The following BANP variants were observed in gnomAD, a reference collection of about 807,000 sequenced individuals.
BANP encodes protein BANP.
Under a neutral mutation model 68.1 loss-of-function variants are expected in BANP, and 11 were observed. The ratio of observed to expected loss-of-function variants is 0.16; its 90% CI spans 0.10 to 0.27. The LOEUF is 0.27. Ranked by LOEUF, BANP falls within the 10% of genes least tolerant of loss-of-function variation. The pLI, the probability that BANP is intolerant of heterozygous loss-of-function variation, is 1.00. For missense variants in BANP, 504 were observed against 722.7 expected (o/e 0.70, Z 3.47); for synonymous variants, 329 against 303.2 (o/e 1.09, Z -0.88).
At chr16:88,014,691 A>G (rs2074058201) in intron 6 of BANP, among the ~76,000 whole-genome samples, 1 of 151,756 alleles carries the variant, frequency 6.6e-6, no homozygotes, top group Non-Finnish European at 1.5e-5. Flanking sequence ...CCATCCTCGC[A>G]CTGGTCCTGC....
intron 10 of BANP, 128 bp from the exon 11 acceptor site, chr16:88,037,845 T>G (rs1158014916): frequency 9.1e-6 from 8 of 879,880 alleles, no homozygotes; most frequent in Non-Finnish European, 1.3e-5. Context: ...GGAGGTTGAA[T>G]TTTTGCAGAA....
intron 11 of BANP, among the ~76,000 whole-genome samples, chr16:88,052,933 A>T (rs1336932273): frequency 3.3e-5 from 5 of 151,264 alleles, no homozygotes. Flanking sequence ...CACCTTAACC[A>T]CTACCATCAC....
At chr16:88,051,835 T>C (rs2083329876) in intron 11 of BANP, among the ~76,000 whole-genome samples, 1 of 152,250 alleles carries the variant, frequency 6.6e-6, no homozygotes, top group Non-Finnish European at 1.5e-5. Context: ...TTTTCTTTCC[T>C]ATATTAAAAA....
chr16:87,969,457 G>A (rs948620965), intron 1 of BANP, among the ~76,000 whole-genome samples: 2 of 151,626 alleles, frequency 1.3e-5, no homozygotes, highest in African/African-American at 4.9e-5. Context: ...GTCATATTTT[G>A]TGATTTTTGC....
intron 1 of BANP, among the ~76,000 whole-genome samples, chr16:87,964,538 G>C (rs1013238587): frequency 1.3e-5 from 2 of 152,262 alleles, no homozygotes; most frequent in Non-Finnish European, 2.9e-5. Flanking sequence ...TGCAGGGGCC[G>C]AGTGAGCGTG....
At chr16:88,024,319 C>T (rs1307866956) in intron 7 of BANP, among the ~76,000 whole-genome samples, 2 of 152,222 alleles carry the variant, frequency 1.3e-5, no homozygotes, top group African/African-American at 4.8e-5. Flanking sequence ...GGACACATCA[C>T]TTCTCCTTTT....
intron 11 of BANP, among the ~76,000 whole-genome samples, chr16:88,043,220 A>T (rs112139670): frequency 6.6e-6 from 1 of 152,208 alleles, no homozygotes; most frequent in Non-Finnish European, 1.5e-5. Flanking sequence ...TGGAGTTGAA[A>T]TTAAAATGCA....
chr16:88,069,854 T>C (rs1406045878), intron 12 of BANP, among the ~76,000 whole-genome samples: 1 of 152,210 alleles, frequency 6.6e-6, no homozygotes, highest in Non-Finnish European at 1.5e-5. Context: ...CATTTTTTTT[T>C]TCAGTAAAAA....
chr16:88,053,132 C>A lies in BANP; in HGVS notation c.1312-12135C>A, dbSNP rs563141519. Among the ~76,000 whole-genome samples, 209 of 151,756 alleles carry A rather than the reference C, an allele frequency of 1.4e-3. 2 individuals carry two copies. Among genetic ancestry groups the A allele is most frequent in the African/African-American group, 4.8e-3 (200 of 41,292 alleles). Reference sequence around the variant, plus strand: ...ACCCCCACCTCCACCACTGTCATCTCCATCATCATCATCACCAACACAACC... The same window carrying A: ...ACCCCCACCTCCACCACTGTCATCTACATCATCATCATCACCAACACAACC... On this transcript the variant is annotated intron_variant, in intron 11 of 13. Coordinates refer to ENST00000682872, the MANE Select transcript of BANP (RefSeq NM_001386991.1).
intron 1 of BANP, among the ~76,000 whole-genome samples, chr16:87,974,527 C>T (rs556905423): frequency 5.9e-5 from 9 of 152,254 alleles, no homozygotes; most frequent in African/African-American, 1.2e-4. Context: ...GTAGCAGAAA[C>T]GGAGTATGGG....
rs2070432777 is a variant in BANP at position 88,004,645 on chromosome 16, CT to C, written c.479+235del. ...CAGCTGCCGCCGGGGACTTCTGTGTCTCGTGCTGGCCGGGGTTGTGGAGGGG... is the reference window on the plus strand; with the variant it reads ...CAGCTGCCGCCGGGGACTTCTGTGTCCGTGCTGGCCGGGGTTGTGGAGGGG... On this transcript the variant is annotated intron_variant, in intron 5 of 13. Transcript: ENST00000682872. This position sits in a 1 kb window ranked among gnomAD's most constrained non-coding sequence, Gnocchi z 7.0. Among the ~76,000 whole-genome samples the C allele has an allele frequency of 6.6e-6, 1 of 152,162 alleles. No individual in the cohort carries two copies. The highest frequency in any genetic ancestry group is 6.5e-5 in the Admixed American group (1 of 15,280).
At chr16:88,035,497 A>G in intron 10 of BANP, 103 bp downstream of exon 10, 1 of 1,154,174 alleles carries the variant, frequency 8.7e-7, no homozygotes, top group Non-Finnish European at 1.2e-6. Flanking sequence ...AGCCCCCAGG[A>G]CAGGGAACGT....
At chr16:87,984,930 C>T (rs1431373783) in intron 4 of BANP, among the ~76,000 whole-genome samples, 4 of 152,232 alleles carry the variant, frequency 2.6e-5, no homozygotes, top group Admixed American at 6.5e-5. Context: ...TTGTGCTTGA[C>T]GAGGGGCCTT....
chr16:88,033,544 G>C (rs1351699709), intron 9 of BANP, among the ~76,000 whole-genome samples: 3 of 152,212 alleles, frequency 2.0e-5, no homozygotes, highest in African/African-American at 4.8e-5. Flanking sequence ...GGGTCAGGCC[G>C]TGCGGTGGTC....
intron 1 of BANP, among the ~76,000 whole-genome samples, chr16:87,961,172 C>T (rs2059049457): frequency 6.6e-6 from 1 of 152,202 alleles, no homozygotes; most frequent in South Asian, 2.1e-4. Flanking sequence ...ATACAGTTCA[C>T]ATTCCATATT....
At position 88,051,455 on chromosome 16, in the gene BANP, C is replaced by A. The variant is rs553880922; in HGVS notation, c.1311+13444C>A. Reference sequence around the variant, plus strand: ...AGTATGGGGTTTGCGGGAGCCCATGCCTCCTTCGGGCTCAGCCTCGGTGCC... The same window carrying A: ...AGTATGGGGTTTGCGGGAGCCCATGACTCCTTCGGGCTCAGCCTCGGTGCC... On this transcript the variant is annotated intron_variant, in intron 11 of 13. Transcript: ENST00000682872. Among the ~76,000 whole-genome samples the A allele has an allele frequency of 1.2e-4, 18 of 152,352 alleles. No individual in the cohort carries two copies. In the East Asian group the frequency reaches 3.1e-3, roughly 26 times the overall value.
intron 4 of BANP, among the ~76,000 whole-genome samples, chr16:87,989,441 A>G (rs1316862529): frequency 3.9e-5 from 6 of 152,368 alleles, no homozygotes; most frequent in South Asian, 2.1e-4. Flanking sequence ...GCTCACGTTT[A>G]TATAGGTAAA....
chr16:88,027,578 C>A lies in BANP; in HGVS notation c.991C>A (p.Gln331Lys). ...SKCRTAWRRK[Q>K]RGQSLAVKSF... ...GTGCCGCACGGCGTGGCGGCGCAAG[C>A]AGCGGGGCCAGAGCCTGGCGGTCAA... is the stretch of plus-strand genomic sequence containing the variant. Residue 331 changes from glutamine to lysine, a missense_variant, in exon 8 of 14, where the codon CAG becomes AAG. Physicochemically the swap from Gln to Lys is moderately conservative, Grantham distance 53. Coordinates refer to ENST00000682872, the MANE Select transcript of BANP (RefSeq NM_001386991.1). 1 of 1,613,804 alleles carries A rather than the reference C, an allele frequency of 6.2e-7. No homozygotes were observed. The highest frequency in any genetic ancestry group is 1.7e-4 in the Middle Eastern group (1 of 6,038).
chr16:88,028,801 C>T (rs1240547549), intron 8 of BANP, among the ~76,000 whole-genome samples: 2 of 152,046 alleles, frequency 1.3e-5, no homozygotes, highest in Non-Finnish European at 2.9e-5. Flanking sequence ...CAGCAGAGAG[C>T]GATGTGAGGA....
Sources: allele counts gnomAD v4.1 joint callset (sites outside exome capture counted in the v4.1 genomes callset), GRCh38; gene constraint gnomAD v4.1.1; non-coding constraint Gnocchi (gnomAD v3.1); transcripts MANE v1.5; gene names NCBI Gene and HGNC (gene_info 2026-07-23, HGNC 2026-07-21).